VPS35L: variants seen among roughly 807,000 people sequenced by gnomAD.
VPS35L encodes VPS35 endosomal protein-sorting factor-like.
Under a neutral mutation model 133.0 loss-of-function variants are expected in VPS35L, and 83 were observed. That is an observed-to-expected ratio of 0.62 (90% CI 0.52 to 0.75). The LOEUF is 0.75. Among genes scored for constraint, VPS35L ranks in the 30% least tolerant of loss-of-function variants. The probability of loss-of-function intolerance (pLI) is 0.00; values close to 1 mark genes in which losing one functional copy is unlikely to be tolerated. For synonymous variants in VPS35L, 423 were observed against 449.9 expected (o/e 0.94, Z 0.76); for missense variants, 1,083 against 1,206.8 (o/e 0.90, Z 1.52).
At chr16:19,683,245 T>C (rs1482626535) in intron 28 of VPS35L, among the ~76,000 whole-genome samples, 1 of 152,158 alleles carries the variant, frequency 6.6e-6, no homozygotes, top group Non-Finnish European at 1.5e-5. Flanking sequence ...TTTGCATCTT[T>C]AACAAGCACC....
chr16:19,682,873 A>C (rs56029997), intron 28 of VPS35L, among the ~76,000 whole-genome samples: 14,083 of 152,150 alleles, frequency 0.093, 892 homozygotes, highest in East Asian at 0.21. Flanking sequence ...CAAAAAGGAA[A>C]AAAAAGAGTA....
Position 19,616,111 on chromosome 16 carries a change from C to A in VPS35L, c.1024-3C>A. ...ACCAGTTTTTCCATTTGTCTGGCTGCAGGTGGGAATGGAAGTGGCCCCACA... is the reference window on the plus strand; with the variant it reads ...ACCAGTTTTTCCATTTGTCTGGCTGAAGGTGGGAATGGAAGTGGCCCCACA... On this transcript the variant is annotated splice_polypyrimidine_tract_variant and splice_region_variant and intron_variant, in intron 12 of 30. Coordinates refer to ENST00000417362, the MANE Select transcript of VPS35L (RefSeq NM_020314.7). 1 of 1,611,034 alleles carries A rather than the reference C, an allele frequency of 6.2e-7. No homozygotes were observed. The highest frequency in any genetic ancestry group is 8.5e-7 in the Non-Finnish European group (1 of 1,177,946).
chr16:19,624,722 A>G (rs990482111), intron 14 of VPS35L, among the ~76,000 whole-genome samples: 6 of 152,216 alleles, frequency 3.9e-5, no homozygotes, highest in African/African-American at 1.4e-4. Context: ...CTGGGATTAC[A>G]GGCATGAGCC....
intron 19 of VPS35L, among the ~76,000 whole-genome samples, chr16:19,635,101 G>A (rs1016074231): frequency 9.9e-5 from 15 of 152,164 alleles, no homozygotes; most frequent in African/African-American, 3.6e-4. Context: ...GACTTTGGGA[G>A]GCTGAGGCAG....
At chr16:19,624,893 A>G (rs1430484769) in intron 14 of VPS35L, among the ~76,000 whole-genome samples, 1 of 152,208 alleles carries the variant, frequency 6.6e-6, no homozygotes, top group Admixed American at 6.5e-5. Context: ...TCAAGGACTT[A>G]GCCCGAAACC....
Position 19,700,481 on chromosome 16 carries a change from C to CG in VPS35L, c.*8dup, listed in dbSNP as rs769499433. On this transcript the variant is annotated 3_prime_UTR_variant, in exon 31 of 31. Transcript: ENST00000417362. ...CCTCTGCAAACAAGGACCTGACCCC[C>CG]GGGCCCATCCCCAGGCTCAGGGACT... is the stretch of plus-strand genomic sequence containing the variant. 3 of 1,611,928 alleles carry CG rather than the reference C, an allele frequency of 1.9e-6. No homozygotes were observed. The highest frequency in any genetic ancestry group is 2.5e-6 in the Non-Finnish European group (3 of 1,177,950).
chr16:19,642,545 A>G, intron 22 of VPS35L, 69 bp downstream of exon 22: 1 of 1,287,952 alleles, frequency 7.8e-7, no homozygotes, highest in Non-Finnish European at 1.1e-6. Flanking sequence ...GACATTAGGG[A>G]ATGACTGCTT....
chr16:19,600,487 T>C (rs558476594), intron 8 of VPS35L, among the ~76,000 whole-genome samples: 1 of 152,322 alleles, frequency 6.6e-6, no homozygotes, highest in African/African-American at 2.4e-5. Flanking sequence ...GTTTGCACAT[T>C]GTGGCCACTT....
chr16:19,587,634 CAA>C (rs781342533), intron 7 of VPS35L, among the ~76,000 whole-genome samples: 11 of 67,834 alleles, frequency 1.6e-4, no homozygotes, highest in Non-Finnish European at 1.2e-4. Context: ...AACTCCGTCT[CAA>C]AAAAAAAAAA....
chr16:19,573,686 A>G (rs1157754433), intron 4 of VPS35L, among the ~76,000 whole-genome samples: 1 of 152,042 alleles, frequency 6.6e-6, no homozygotes, highest in East Asian at 1.9e-4. Flanking sequence ...GGTGGCGGGC[A>G]CCTGTAATCC....
rs145753331 is a variant in VPS35L, at chr16:19,600,764, G to C, written c.725-900G>C. Among the ~76,000 whole-genome samples the C allele has an allele frequency of 3.1e-4, 47 of 152,262 alleles. 1 individual carries two copies. In the East Asian group the frequency reaches 8.5e-3, roughly 27 times the overall value. On this transcript the variant is annotated intron_variant, in intron 8 of 30. Transcript: ENST00000417362. Reference sequence around the variant, plus strand: ...GCACGCTGATGATGAGAGACAGTAGGGGGTGGTTGAGACTGGCAAACTGGT... The same window carrying C: ...GCACGCTGATGATGAGAGACAGTAGCGGGTGGTTGAGACTGGCAAACTGGT...
chr16:19,665,388 A>G (rs926529465), intron 26 of VPS35L, among the ~76,000 whole-genome samples: 1 of 152,204 alleles, frequency 6.6e-6, no homozygotes, highest in South Asian at 2.1e-4. Flanking sequence ...CATGGGTTCA[A>G]TTGTTTTTGT....
intron 29 of VPS35L, chr16:19,694,270 GAAAAT>G (rs113878065): frequency 6.6e-6 from 1 of 152,094 alleles, no homozygotes; most frequent in South Asian, 2.1e-4. Flanking sequence ...ATCAAGATGA[GAAAAT>G]AAAACCCTAA....
intron 7 of VPS35L, among the ~76,000 whole-genome samples, chr16:19,587,993 T>C (rs1045092103): frequency 2.0e-5 from 3 of 151,770 alleles, no homozygotes; most frequent in African/African-American, 4.8e-5. Flanking sequence ...AGAGGTGGGG[T>C]TTCACCATGT....
intron 26 of VPS35L, among the ~76,000 whole-genome samples, chr16:19,655,531 G>T (rs1974269450): frequency 6.6e-6 from 1 of 152,066 alleles, no homozygotes; most frequent in South Asian, 2.1e-4. Context: ...ATCTTCTTTG[G>T]CAGGCTGTGG....
chr16:19,699,245 G>C lies in VPS35L; in HGVS notation c.2647-257G>C. The C allele has an allele frequency of 2.4e-6, 1 of 411,512 alleles. No homozygotes were observed. Among genetic ancestry groups the C allele is most frequent in the South Asian group, 2.9e-5 (1 of 34,096 alleles). 25.5% of individuals were successfully genotyped at this position (411,512 alleles called of 1,614,324 possible). A position where few individuals can be genotyped will look rare whatever the true frequency, so the allele number is the denominator to read the frequency against. On this transcript the variant is annotated intron_variant, in intron 29 of 30. Transcript: ENST00000417362. This position sits in a 1 kb window ranked among gnomAD's most constrained non-coding sequence, Gnocchi z 4.2. Reference sequence around the variant, plus strand: ...CTGGTGAGTTTCTTCCATTTCATGAGTAATGACCATCTGTGGGCACAGAGC... The same window carrying C: ...CTGGTGAGTTTCTTCCATTTCATGACTAATGACCATCTGTGGGCACAGAGC...
intron 7 of VPS35L, 98 bp from the exon 8 acceptor site, chr16:19,591,692 C>A: frequency 1.1e-6 from 1 of 885,742 alleles, no homozygotes; most frequent in Non-Finnish European, 1.8e-6. Context: ...GTAAGTATCT[C>A]AACTTGTATA....
intron 15 of VPS35L, among the ~76,000 whole-genome samples, chr16:19,626,775 A>G (rs985627236): frequency 1.3e-5 from 2 of 152,090 alleles, no homozygotes; most frequent in African/African-American, 2.4e-5. Flanking sequence ...AACAAAAGAA[A>G]AAAAGTAATA....
chr16:19,578,470 C>T, intron 5 of VPS35L: 1 of 368,666 alleles, frequency 2.7e-6, no homozygotes, highest in South Asian at 2.1e-5. Context: ...AGATGCATCG[C>T]CCTGCCTTGT....
Sources: allele counts gnomAD v4.1 joint callset (sites outside exome capture counted in the v4.1 genomes callset), GRCh38; gene constraint gnomAD v4.1.1; non-coding constraint Gnocchi (gnomAD v3.1); transcripts MANE v1.5; gene names NCBI Gene and HGNC (gene_info 2026-07-23, HGNC 2026-07-21).